GRM7: variants seen among roughly 807,000 people sequenced by gnomAD.
GRM7 encodes metabotropic glutamate receptor 7.
GRM7 carries 35 observed loss-of-function variants against 84.5 expected under a neutral mutation model. That is an observed-to-expected ratio of 0.41 (90% confidence interval 0.32 to 0.55). The LOEUF is 0.55. Among genes scored for constraint, GRM7 ranks in the 20% least tolerant of loss-of-function variants. The pLI is 0.19. For synonymous variants in GRM7, 487 were observed against 455.1 expected, an observed-to-expected ratio of 1.07 and a Z score of -0.89; for missense variants, 1,003 against 1,194.6, an observed-to-expected ratio of 0.84 and a Z score of 2.36.
chr3:7,713,087 T>C (rs1287152023), intron 9 of GRM7, among the ~76,000 whole-genome samples: 1 of 151,208 alleles, frequency 6.6e-6, no homozygotes, highest in Non-Finnish European at 1.5e-5. Context: ...CTGAATAAGG[T>C]CATATTCACA....
At chr3:7,104,229 TTTTTC>T (rs758468460) in intron 1 of GRM7, among the ~76,000 whole-genome samples, 1 of 151,550 alleles carries the variant, frequency 6.6e-6, no homozygotes. Flanking sequence ...AGTGCCTTTT[TTTTTC>T]TTTTCTTTTC....
chr3:7,487,964 A>G (rs1203854106), intron 7 of GRM7, among the ~76,000 whole-genome samples: 1 of 152,124 alleles, frequency 6.6e-6, no homozygotes, highest in Non-Finnish European at 1.5e-5. Context: ...ACAGGGGAGG[A>G]GCTGTCTGAT....
intron 1 of GRM7, among the ~76,000 whole-genome samples, chr3:6,914,452 G>GGAGTGAATGGCACT (rs1224291855): frequency 6.6e-6 from 1 of 151,982 alleles, no homozygotes; most frequent in East Asian, 1.9e-4. Flanking sequence ...CTCCCAGGCT[G>GGAGTGAATGGCACT]GAGTGAATGG....
chr3:7,009,074 T>C (rs1695282578), intron 1 of GRM7, among the ~76,000 whole-genome samples: 1 of 152,236 alleles, frequency 6.6e-6, no homozygotes, highest in South Asian at 2.1e-4. Flanking sequence ...TATCAATTCT[T>C]GCTGTCACGG....
intron 9 of GRM7, chr3:7,694,426 C>T: frequency 3.2e-6 from 3 of 951,258 alleles, no homozygotes; most frequent in Non-Finnish European, 3.8e-6. Context: ...CATTGTCATC[C>T]TGTACCACAC....
intron 1 of GRM7, among the ~76,000 whole-genome samples, chr3:7,042,711 A>G (rs1696672730): frequency 6.6e-6 from 1 of 152,098 alleles, no homozygotes; most frequent in Non-Finnish European, 1.5e-5. Flanking sequence ...TCTCCTTAAC[A>G]TAGAATTTTG....
In GRM7 at chr3:7,177,468, T is replaced by C. The variant is rs1695191160; in HGVS notation, c.736+30800T>C. On this transcript the variant is annotated intron_variant, in intron 2 of 9. Transcript: ENST00000357716. Reference sequence around the variant, plus strand: ...GATTCATCCAGGTAACCAGTTGATATCTTGTAGTTATTAGCTATAATAAAC... The same window carrying C: ...GATTCATCCAGGTAACCAGTTGATACCTTGTAGTTATTAGCTATAATAAAC... Among the ~76,000 whole-genome samples, 5 of 151,468 alleles carry C rather than the reference T, an allele frequency of 3.3e-5. No homozygotes were observed. In the South Asian group the frequency reaches 1.0e-3, roughly 32 times the overall value.
chr3:7,691,199 CTTTT>C, intron 9 of GRM7: 1 of 1,062,230 alleles, frequency 9.4e-7, no homozygotes, highest in African/African-American at 1.6e-5. Flanking sequence ...TATCTCTGCC[CTTTT>C]TCATAGTAAC....
intron 2 of GRM7, among the ~76,000 whole-genome samples, chr3:7,294,446 C>T (rs1010627206): frequency 2.6e-5 from 4 of 152,094 alleles, no homozygotes; most frequent in Non-Finnish European, 4.4e-5. Context: ...AGACTGTCAT[C>T]GCCATTGCCC....
At chr3:7,452,065 A>C (rs1339115479) in intron 5 of GRM7, among the ~76,000 whole-genome samples, 1 of 152,160 alleles carries the variant, frequency 6.6e-6, no homozygotes, top group Non-Finnish European at 1.5e-5. Context: ...GGACTGCTAG[A>C]ATTCATTAGA....
At chr3:7,470,874 T>C (rs79320860) in intron 7 of GRM7, among the ~76,000 whole-genome samples, 2 of 152,022 alleles carry the variant, frequency 1.3e-5, no homozygotes, top group African/African-American at 2.4e-5. Context: ...GCCAAAAAAT[T>C]CTAGAATGAC....
intron 7 of GRM7, among the ~76,000 whole-genome samples, chr3:7,562,385 T>C (rs1694065780): frequency 6.6e-6 from 1 of 152,048 alleles, no homozygotes; most frequent in Admixed American, 6.6e-5. Flanking sequence ...CTAGTTTTAA[T>C]TGACTATTAC....
intron 9 of GRM7, among the ~76,000 whole-genome samples, chr3:7,712,426 C>G (rs1005103452): frequency 2.0e-5 from 3 of 151,440 alleles, no homozygotes; most frequent in Admixed American, 6.6e-5. Flanking sequence ...TCTCTTCCTC[C>G]TCCCTCTCCT....
intron 4 of GRM7, among the ~76,000 whole-genome samples, chr3:7,379,769 G>A (rs1483674041): frequency 2.6e-5 from 4 of 152,084 alleles, no homozygotes; most frequent in Non-Finnish European, 4.4e-5. Context: ...TCTGTTTGTA[G>A]GAATATGATG....
At chr3:7,631,127 C>G (rs1480589860) in intron 8 of GRM7, among the ~76,000 whole-genome samples, 1 of 152,220 alleles carries the variant, frequency 6.6e-6, no homozygotes, top group Non-Finnish European at 1.5e-5. Flanking sequence ...GGGGACCAGA[C>G]AGCAGGAGTA....
At chr3:7,724,015 G>A (rs919647863) in intron 9 of GRM7, among the ~76,000 whole-genome samples, 1 of 152,112 alleles carries the variant, frequency 6.6e-6, no homozygotes, top group Non-Finnish European at 1.5e-5. Context: ...CTGGCAGTGT[G>A]CATGAGAAAC....
At chr3:7,441,869 T>G (rs2124872469) in intron 5 of GRM7, among the ~76,000 whole-genome samples, 1 of 152,304 alleles carries the variant, frequency 6.6e-6, no homozygotes, top group East Asian at 1.9e-4. Context: ...CATGCTGTTT[T>G]GTTTACTGTA....
chr3:7,615,102 T>C (rs3792453), intron 8 of GRM7, among the ~76,000 whole-genome samples: 14,287 of 152,222 alleles, frequency 0.094, 859 homozygotes, highest in African/African-American at 0.16. Context: ...ATATGCCTTT[T>C]TTTCTTTACC....
chr3:7,059,744 C>A (rs1015940461), intron 1 of GRM7, among the ~76,000 whole-genome samples: 6 of 151,636 alleles, frequency 4.0e-5, no homozygotes, highest in African/African-American at 1.5e-4. Context: ...GGGATTAGTG[C>A]TCTTATAAAA....
Sources: allele counts gnomAD v4.1 joint callset (sites outside exome capture counted in the v4.1 genomes callset), GRCh38; gene constraint gnomAD v4.1.1; transcripts MANE v1.5; gene names NCBI Gene and HGNC (gene_info 2026-07-23, HGNC 2026-07-21).